Variants in PTPRD observed in about 807,000 individuals in gnomAD.
The protein encoded by PTPRD is receptor-type tyrosine-protein phosphatase delta.
Under a neutral mutation model 214.5 loss-of-function variants are expected in PTPRD, and 34 were observed. That is an observed-to-expected ratio of 0.16 (90% CI 0.12 to 0.21). PTPRD has a LOEUF of 0.21. Among genes scored for constraint, PTPRD ranks in the 10% least tolerant of loss-of-function variants. The probability of loss-of-function intolerance (pLI) is 1.00; values close to 1 mark genes in which losing one functional copy is unlikely to be tolerated. For synonymous variants in PTPRD, 1,128 were observed against 845.7 expected, an observed-to-expected ratio of 1.33 and a Z score of -5.79; for missense variants, 2,545 against 2,398.7, an observed-to-expected ratio of 1.06 and a Z score of -1.27.
chr9:10,119,282 T>C (rs35382602), intron 3 of PTPRD, among the ~76,000 whole-genome samples: 14,274 of 151,978 alleles, frequency 0.094, 803 homozygotes, highest in Non-Finnish European at 0.13. Context: ...GAAAAGGAAA[T>C]ATAAATTATT....
intron 5 of PTPRD, among the ~76,000 whole-genome samples, chr9:9,781,242 G>C (rs942820163): frequency 4.6e-5 from 7 of 152,166 alleles, no homozygotes; most frequent in African/African-American, 7.2e-5. Flanking sequence ...TCAAAGTAAA[G>C]ATGTCAATAA....
chr9:8,738,092 C>T (rs1035701382), intron 11 of PTPRD, among the ~76,000 whole-genome samples: 1 of 152,106 alleles, frequency 6.6e-6, no homozygotes, highest in African/African-American at 2.4e-5. Context: ...TTGCTGAATT[C>T]CAATTAACTG....
intron 2 of PTPRD, among the ~76,000 whole-genome samples, chr9:10,526,347 G>T (rs2054279460): frequency 6.6e-6 from 1 of 151,912 alleles, no homozygotes; most frequent in Non-Finnish European, 1.5e-5. Context: ...GCTAAAGTGT[G>T]GCTATATCAT....
chr9:9,293,389 C>CT (rs71500980), intron 9 of PTPRD, among the ~76,000 whole-genome samples: 1,806 of 111,044 alleles, frequency 0.016, 25 homozygotes, highest in Non-Finnish European at 0.022. Flanking sequence ...TTTGTTTGTT[C>CT]TTTTTTTTTT....
chr9:8,941,635 A>T (rs2099034442), intron 11 of PTPRD, among the ~76,000 whole-genome samples: 1 of 152,176 alleles, frequency 6.6e-6, no homozygotes, highest in Non-Finnish European at 1.5e-5. Context: ...TCCATGAAAA[A>T]TAAAAATATT....
At chr9:9,041,989 A>C (rs2099641335) in intron 10 of PTPRD, among the ~76,000 whole-genome samples, 1 of 152,202 alleles carries the variant, frequency 6.6e-6, no homozygotes, top group Admixed American at 6.5e-5. Flanking sequence ...AAGGGTGATG[A>C]TGTGACATAA....
chr9:10,194,679 TTACA>T (rs5896378), intron 3 of PTPRD, among the ~76,000 whole-genome samples: 117,336 of 151,280 alleles, frequency 0.78, 46,580 homozygotes, highest in East Asian at 0.97. Flanking sequence ...TCCCACACAA[TTACA>T]TACATTGGTT....
chr9:9,699,299 C>G lies in PTPRD; in HGVS notation c.-287+35234G>C, dbSNP rs1046754696. Among the ~76,000 whole-genome samples the G allele has an allele frequency of 3.3e-5, 5 of 151,726 alleles. No homozygotes were observed. The South Asian group carries it at 6.3e-4, about 19-fold the overall frequency. On this transcript the variant is annotated intron_variant, in intron 7 of 45. Coordinates refer to ENST00000381196, the MANE Select transcript of PTPRD (RefSeq NM_002839.4). ...CAAGCACAATGGCAATAATCAAGAT[C>G]TAAATAATTTCCTTTTCATATTATG...
intron 11 of PTPRD, among the ~76,000 whole-genome samples, chr9:8,934,128 TAAGAGAGA>T (rs2098972580): frequency 1.3e-5 from 2 of 151,454 alleles, no homozygotes; most frequent in Non-Finnish European, 2.9e-5. Context: ...GCTGAACTGA[TAAGAGAGA>T]AAGAGAGAAT....
chr9:8,754,640 TA>T (rs2093824112), intron 11 of PTPRD, among the ~76,000 whole-genome samples: 1 of 152,214 alleles, frequency 6.6e-6, no homozygotes, highest in African/African-American at 2.4e-5. Context: ...TAATACATCT[TA>T]TAGACAATGG....
At chr9:8,359,245 G>A (rs973491179) in intron 39 of PTPRD, among the ~76,000 whole-genome samples, 2 of 151,514 alleles carry the variant, frequency 1.3e-5, no homozygotes, top group Non-Finnish European at 2.9e-5. Context: ...GTAGGAAACT[G>A]TTAGAAATGC....
intron 8 of PTPRD, among the ~76,000 whole-genome samples, chr9:9,556,322 GGTCTTGCT>G (rs1460229199): frequency 6.6e-6 from 1 of 152,106 alleles, no homozygotes; most frequent in Non-Finnish European, 1.5e-5. Context: ...AGGAGGGGTT[GGTCTTGCT>G]GTCTCAGGAA....
chr9:9,422,142 C>A (rs1267156709), intron 8 of PTPRD, among the ~76,000 whole-genome samples: 1 of 152,010 alleles, frequency 6.6e-6, no homozygotes, highest in East Asian at 1.9e-4. Context: ...GCTTTGTATG[C>A]ATCGCTTTGT....
chr9:9,661,648 A>C (rs2096624411), intron 7 of PTPRD, among the ~76,000 whole-genome samples: 1 of 151,838 alleles, frequency 6.6e-6, no homozygotes, highest in South Asian at 2.1e-4. Flanking sequence ...AGTATGTCTA[A>C]TTTGTTTGCC....
chr9:9,583,680 G>C (rs1241002392), intron 7 of PTPRD, among the ~76,000 whole-genome samples: 1 of 152,020 alleles, frequency 6.6e-6, no homozygotes, highest in Non-Finnish European at 1.5e-5. Context: ...GTAAGTCCAT[G>C]TGAAAGTTCA....
chr9:8,953,573 G>C (rs1230453516), intron 11 of PTPRD, among the ~76,000 whole-genome samples: 1 of 151,962 alleles, frequency 6.6e-6, no homozygotes, highest in East Asian at 1.9e-4. Context: ...TACAGAGTGG[G>C]AGAAGATGTT....
chr9:8,437,227 G>C (rs757243838), intron 34 of PTPRD: 1 of 1,523,064 alleles, frequency 6.6e-7, no homozygotes, highest in Non-Finnish European at 8.8e-7. Flanking sequence ...AGGGTAACCG[G>C]AATCATCTGA....
At chr9:9,941,273 G>A (rs1163259343) in intron 4 of PTPRD, among the ~76,000 whole-genome samples, 2 of 152,114 alleles carry the variant, frequency 1.3e-5, no homozygotes, top group African/African-American at 4.8e-5. Context: ...ATGCTCAAAA[G>A]GTGGTTCACA....
intron 5 of PTPRD, among the ~76,000 whole-genome samples, chr9:9,899,698 A>G (rs1181158990): frequency 2.0e-5 from 3 of 152,020 alleles, no homozygotes. Flanking sequence ...CCACTACTAG[A>G]TATACCTCCA....
Sources: gnomAD v4.1 joint callset for allele counts (sites outside exome capture counted in the v4.1 genomes callset) on GRCh38, gnomAD v4.1.1 for gene constraint, MANE v1.5 for transcripts, NCBI Gene and HGNC (gene_info 2026-07-23, HGNC 2026-07-21) for gene names.